The following CPA6 variants were observed in gnomAD, a reference collection of about 807,000 sequenced individuals.
The protein encoded by CPA6 is carboxypeptidase B.
A neutral mutation model predicts 63.3 loss-of-function variants in CPA6; 58 were observed. That is an observed-to-expected ratio of 0.92 (90% CI 0.74 to 1.14). The LOEUF (loss-of-function observed/expected upper bound fraction) is 1.14, where lower values mean the gene tolerates loss of function less well. Ranked by LOEUF, CPA6 falls within the 50% of genes most tolerant of loss-of-function variation. CPA6 has a pLI of 0.00. For synonymous variants in CPA6, 185 were observed against 179.0 expected, an observed-to-expected ratio of 1.03 and a Z score of -0.27; for missense variants, 565 against 526.6, an observed-to-expected ratio of 1.07 and a Z score of -0.71.
At chr8:67,579,503 C>T (rs1336491063) in intron 2 of CPA6, among the ~76,000 whole-genome samples, 1 of 152,180 alleles carries the variant, frequency 6.6e-6, no homozygotes, top group African/African-American at 2.4e-5. Context: ...GTCAAATTCT[C>T]TTAAATATTA....
chr8:67,736,620 A>G (rs1817817622), intron 1 of CPA6, among the ~76,000 whole-genome samples: 1 of 151,926 alleles, frequency 6.6e-6, no homozygotes, highest in Admixed American at 6.6e-5. Flanking sequence ...CTTCTGCTCT[A>G]TTGAGTCTTT....
rs572159478 is a variant in CPA6 at position 67,487,715 on chromosome 8, A to G, written c.637-2926T>C. Reference sequence around the variant, plus strand: ...CCTATTTCTCCACATCCTCTCCAGCATCTGTTGTTTCCTGACTTTTTAATG... The same window carrying G: ...CCTATTTCTCCACATCCTCTCCAGCGTCTGTTGTTTCCTGACTTTTTAATG... On this transcript the variant is annotated intron_variant, in intron 6 of 10. Coordinates refer to ENST00000297770, the MANE Select transcript of CPA6 (RefSeq NM_020361.5). 2.4e-4 allele frequency among the ~76,000 whole-genome samples: 37 copies of G among 152,282 alleles called. No individual in the cohort carries two copies. The East Asian group carries it at 5.6e-3, about 23-fold the overall frequency.
chr8:67,734,343 TG>T lies in CPA6; in HGVS notation c.116+11670del, dbSNP rs549711079. ...ATGACCTCAGCAAACCAGGGCCCCA[TG>T]GAAAAAAAAAAAAAAAAGAAAACCC... is the stretch of plus-strand genomic sequence containing the variant. On this transcript the variant is annotated intron_variant, in intron 1 of 10. Coordinates refer to ENST00000297770, the MANE Select transcript of CPA6 (RefSeq NM_020361.5). 2.4e-4 allele frequency among the ~76,000 whole-genome samples: 29 copies of T among 119,000 alleles called. No individual in the cohort carries two copies. The South Asian group carries it at 3.0e-3, about 12-fold the overall frequency. 78.1% of individuals were successfully genotyped at this position (119,000 alleles called of 152,430 possible).
chr8:67,496,852 C>G (rs1475662067), intron 6 of CPA6, among the ~76,000 whole-genome samples: 2 of 151,996 alleles, frequency 1.3e-5, no homozygotes, highest in Non-Finnish European at 1.5e-5. Context: ...AGCCACGGTG[C>G]CTGGCCTTAT....
intron 6 of CPA6, among the ~76,000 whole-genome samples, chr8:67,487,036 T>A (rs1413373579): frequency 6.6e-6 from 1 of 151,406 alleles, no homozygotes; most frequent in Admixed American, 6.6e-5. Flanking sequence ...AAATATTAAA[T>A]TTTTTTTTCT....
At chr8:67,662,625 G>A (rs1816143231) in intron 1 of CPA6, among the ~76,000 whole-genome samples, 1 of 149,938 alleles carries the variant, frequency 6.7e-6, no homozygotes, top group South Asian at 2.1e-4. Flanking sequence ...TGTATATATA[G>A]AATACATACA....
intron 1 of CPA6, among the ~76,000 whole-genome samples, chr8:67,733,432 G>A (rs192705372): frequency 6.6e-6 from 1 of 151,982 alleles, no homozygotes; most frequent in African/African-American, 2.4e-5. Context: ...TTTCCCACGC[G>A]TGGAAGTTTC....
intron 1 of CPA6, among the ~76,000 whole-genome samples, chr8:67,653,831 G>C (rs1815910489): frequency 6.6e-6 from 1 of 151,966 alleles, no homozygotes; most frequent in African/African-American, 2.4e-5. Context: ...GTTTTTAGAG[G>C]GAATGCTTCC....
At chr8:67,437,883 G>T (rs1810196971) in intron 8 of CPA6, among the ~76,000 whole-genome samples, 1 of 150,576 alleles carries the variant, frequency 6.6e-6, no homozygotes. Context: ...AATATTTGAA[G>T]AACTGCTAAT....
chr8:67,580,867 C>T (rs1350295643), intron 2 of CPA6, among the ~76,000 whole-genome samples: 2 of 152,128 alleles, frequency 1.3e-5, no homozygotes, highest in Admixed American at 6.5e-5. Flanking sequence ...ATTAGTTCAT[C>T]GAGATGTCTT....
At chr8:67,581,261 T>C (rs368629070) in intron 2 of CPA6, among the ~76,000 whole-genome samples, 211 of 152,292 alleles carry the variant, frequency 1.4e-3, no homozygotes, top group African/African-American at 4.9e-3. Context: ...TATATGCATG[T>C]GGACTGGATT....
intron 2 of CPA6, among the ~76,000 whole-genome samples, chr8:67,572,668 A>G (rs1394777716): frequency 6.6e-6 from 1 of 152,234 alleles, no homozygotes; most frequent in African/African-American, 2.4e-5. Context: ...AGAAAAATCA[A>G]GAACCTGAAG....
intron 2 of CPA6, among the ~76,000 whole-genome samples, chr8:67,529,268 C>A (rs1812427335): frequency 6.6e-6 from 1 of 151,946 alleles, no homozygotes; most frequent in South Asian, 2.1e-4. Flanking sequence ...AGCTGTAGAC[C>A]TGAGCAATAA....
At chr8:67,695,281 G>A (rs1816892618) in intron 1 of CPA6, among the ~76,000 whole-genome samples, 1 of 152,152 alleles carries the variant, frequency 6.6e-6, no homozygotes, top group Non-Finnish European at 1.5e-5. Context: ...CCACTCACCA[G>A]GCCTGGCCTG....
chr8:67,463,451 A>AAAATAAAT (rs771013655), intron 8 of CPA6, among the ~76,000 whole-genome samples: 128 of 142,288 alleles, frequency 9.0e-4, no homozygotes, highest in African/African-American at 3.1e-3. Context: ...CTCTCTCTCA[A>AAAATAAAT]AAATAAATAA....
At chr8:67,435,364 G>A (rs1468526063) in intron 8 of CPA6, among the ~76,000 whole-genome samples, 7 of 151,984 alleles carry the variant, frequency 4.6e-5, no homozygotes, top group African/African-American at 1.7e-4. Context: ...ACTTTTTCTC[G>A]CCATCCCTCC....
chr8:67,535,135 G>A lies in CPA6; in HGVS notation c.193-17088C>T, dbSNP rs375993471. On this transcript the variant is annotated intron_variant, in intron 2 of 10. Transcript: ENST00000297770. ...ACTGATGGGCATTTGGGTTGGTTGG[G>A]TTGCTATTGGGAATAGTGCTGCAAT... 3.3e-4 allele frequency among the ~76,000 whole-genome samples: 49 copies of A among 150,434 alleles called. 1 individual carries two copies. The South Asian group carries it at 0.01, about 31-fold the overall frequency.
chr8:67,443,275 G>T (rs994023179), intron 8 of CPA6, among the ~76,000 whole-genome samples: 1 of 152,006 alleles, frequency 6.6e-6, no homozygotes, highest in African/African-American at 2.4e-5. Flanking sequence ...GGCCAGGCTG[G>T]TCTCCAACTC....
At chr8:67,653,872 G>A (rs1263626228) in intron 1 of CPA6, among the ~76,000 whole-genome samples, 35 of 152,030 alleles carry the variant, frequency 2.3e-4, no homozygotes, top group Non-Finnish European at 5.1e-4. Flanking sequence ...GATATTGGCT[G>A]TGGGTTTGTC....
Sources: allele counts gnomAD v4.1 joint callset (sites outside exome capture counted in the v4.1 genomes callset), GRCh38; gene constraint gnomAD v4.1.1; transcripts MANE v1.5; gene names NCBI Gene and HGNC (gene_info 2026-07-23, HGNC 2026-07-21).